Variants in THRB observed in about 807,000 individuals in gnomAD.
THRB encodes the protein nuclear receptor subfamily 1 group A member 2.
In THRB, 12 loss-of-function variants were observed where a neutral mutation model predicts 47.8. That is an observed-to-expected ratio of 0.25 (90% CI 0.16 to 0.41). The LOEUF is 0.41. THRB is among the 10% of genes least tolerant of loss of function. The pLI is 1.00. For missense variants in THRB, 348 were observed against 589.2 expected, an observed-to-expected ratio of 0.59 and a Z score of 4.24; for synonymous variants, 218 against 212.2, an observed-to-expected ratio of 1.03 and a Z score of -0.24.
intron 3 of THRB, among the ~76,000 whole-genome samples, chr3:24,248,419 G>A (rs1034646483): frequency 4.6e-5 from 7 of 151,704 alleles, no homozygotes; most frequent in Admixed American, 3.3e-4. Flanking sequence ...GTTTGGAATA[G>A]TACAATGAAT....
chr3:24,494,899 T>A (rs1698814243), upstream of THRB: 1 of 152,174 alleles, frequency 6.6e-6, no homozygotes, highest in Non-Finnish European at 1.5e-5. Context: ...CGCCCCCTCC[T>A]CCCGGCGGCG....
At chr3:24,208,715 C>T (rs1269560566) in intron 4 of THRB, among the ~76,000 whole-genome samples, 5 of 152,300 alleles carry the variant, frequency 3.3e-5, no homozygotes, top group South Asian at 4.1e-4. Context: ...GGATTAAAGA[C>T]GTAAATGTTA....
chr3:24,395,937 G>A (rs1042357451), intron 1 of THRB, among the ~76,000 whole-genome samples: 1 of 152,054 alleles, frequency 6.6e-6, no homozygotes, highest in Non-Finnish European at 1.5e-5. Flanking sequence ...TATCCAGAAT[G>A]GGCAACTGTA....
Position 24,390,784 on chromosome 3 carries a change from TAAA to T in THRB, c.-260-53416_-260-53414del, listed in dbSNP as rs33999392. On this transcript the variant is annotated intron_variant, in intron 1 of 10. Coordinates refer to ENST00000646209, the MANE Select transcript of THRB (RefSeq NM_001354712.2). ...CAGCTGCTTCCCAATCTTTACTTTGTAAAAAAAAAAAAAATATATATATATATA... is the reference window on the plus strand; with the variant it reads ...CAGCTGCTTCCCAATCTTTACTTTGTAAAAAAAAAAATATATATATATATA... 4.3e-5 allele frequency among the ~76,000 whole-genome samples: 6 copies of T among 138,222 alleles called. No individual in the cohort carries two copies. In the East Asian group the frequency reaches 6.2e-4, roughly 14 times the overall value. 90.7% of individuals were successfully genotyped at this position (138,222 alleles called of 152,430 possible). A position where few individuals can be genotyped will look rare whatever the true frequency, so the allele number is the denominator to read the frequency against.
At chr3:24,225,229 G>A (rs992130711) in intron 4 of THRB, among the ~76,000 whole-genome samples, 1 of 152,150 alleles carries the variant, frequency 6.6e-6, no homozygotes, top group African/African-American at 2.4e-5. Context: ...ACAGGAAACA[G>A]TACAAAGATC....
intron 4 of THRB, among the ~76,000 whole-genome samples, chr3:24,210,320 G>A (rs1263280064): frequency 2.0e-5 from 3 of 152,140 alleles, no homozygotes; most frequent in Admixed American, 6.5e-5. Context: ...TTCCCTTCAT[G>A]TGAAGATTAT....
chr3:24,354,223 G>A (rs1289576592), intron 1 of THRB, among the ~76,000 whole-genome samples: 1 of 152,082 alleles, frequency 6.6e-6, no homozygotes, highest in Non-Finnish European at 1.5e-5. Flanking sequence ...AGGGCCTTTT[G>A]GGTGGAGGAT....
rs138865141 is a variant in THRB at position 24,190,213 on chromosome 3, C to T, written c.144G>A (p.Thr48=). The T allele has an allele frequency of 4.6e-5, 75 of 1,613,996 alleles. No individual in the cohort carries two copies. The Admixed American group carries it at 1.0e-3, about 22-fold the overall frequency. The part of the protein sequence containing the change: ...HRKSHSERRS[T]LKNEQSSPHL... ...GTGGCGACGACTGTTCATTTTTCAA[C>T]GTGCTGCGCCTCTCTGAATGGCTCT... The change falls in exon 5 of 11, where the codon ACG becomes ACA. Residue 48 remains threonine (T), a synonymous_variant. Transcript: ENST00000646209.
chr3:24,469,904 T>C (rs2074430494), intron 1 of THRB, among the ~76,000 whole-genome samples: 1 of 152,224 alleles, frequency 6.6e-6, no homozygotes, highest in African/African-American at 2.4e-5. Context: ...TGGAACAATC[T>C]GATGAAGACT....
In THRB at chr3:24,147,176, A is replaced by G. The variant is rs560022244; in HGVS notation, c.385-354T>C. Among the ~76,000 whole-genome samples, 186 of 152,332 alleles carry G rather than the reference A, an allele frequency of 1.2e-3. 1 individual carries two copies. Among genetic ancestry groups the G allele is most frequent in the African/African-American group, 4.3e-3 (177 of 41,576 alleles). ...CATATACTGACATAATTGTGTTGCT[A>G]AATTAAGCTATGAGGAGTTTTGCTA... is the stretch of plus-strand genomic sequence containing the variant. On this transcript the variant is annotated intron_variant, in intron 6 of 10. Transcript: ENST00000646209.
At chr3:24,130,736 A>T (rs2033728301) in intron 9 of THRB, among the ~76,000 whole-genome samples, 1 of 152,164 alleles carries the variant, frequency 6.6e-6, no homozygotes, top group Admixed American at 6.5e-5. Context: ...CACATATCAA[A>T]AGCCTGTATA....
intron 1 of THRB, among the ~76,000 whole-genome samples, chr3:24,465,439 G>A (rs998681702): frequency 3.9e-5 from 6 of 152,084 alleles, no homozygotes; most frequent in Non-Finnish European, 7.4e-5. Context: ...GTCTCCCTCC[G>A]TTGCCTAGAT....
intron 1 of THRB, among the ~76,000 whole-genome samples, chr3:24,463,042 A>G (rs1186836796): frequency 6.6e-6 from 1 of 152,138 alleles, no homozygotes; most frequent in Non-Finnish European, 1.5e-5. Flanking sequence ...CACAGTATCT[A>G]TTTGGGCTCT....
intron 4 of THRB, among the ~76,000 whole-genome samples, chr3:24,228,298 C>T (rs826217): frequency 0.66 from 100,412 of 152,046 alleles, 33,471 homozygotes; most frequent in East Asian, 0.85. Flanking sequence ...GGTCATTCTG[C>T]CTCTCCTTTG....
At chr3:24,155,423 T>A (rs1018343809) in intron 5 of THRB, among the ~76,000 whole-genome samples, 8 of 152,234 alleles carry the variant, frequency 5.3e-5, no homozygotes, top group Non-Finnish European at 8.8e-5. Flanking sequence ...AACCATCTTA[T>A]TTATCCAAAA....
chr3:24,339,448 A>C (rs1268169091), intron 1 of THRB, among the ~76,000 whole-genome samples: 2 of 152,228 alleles, frequency 1.3e-5, no homozygotes, highest in African/African-American at 4.8e-5. Flanking sequence ...CAAACAGTGC[A>C]GAAGAGGCCA....
At chr3:24,242,053 C>T (rs2049578955) in intron 3 of THRB, among the ~76,000 whole-genome samples, 1 of 152,170 alleles carries the variant, frequency 6.6e-6, no homozygotes, top group Non-Finnish European at 1.5e-5. Context: ...AGCTGTACTG[C>T]CTGCTCACAA....
chr3:24,432,766 T>C (rs1035152088), intron 1 of THRB, among the ~76,000 whole-genome samples: 1 of 152,040 alleles, frequency 6.6e-6, no homozygotes, highest in Non-Finnish European at 1.5e-5. Context: ...TGCCAATGGA[T>C]AGAAATGTAC....
At position 24,118,973 on chromosome 3, in the gene THRB, G is replaced by GTTTTTTTTTTTTTTTTTTTTTTTT. The variant is rs559325556; in HGVS notation, c.*3887_*3910dup. On this transcript the variant is annotated 3_prime_UTR_variant, in exon 11 of 11. Coordinates refer to ENST00000646209, the MANE Select transcript of THRB (RefSeq NM_001354712.2). ...GCCAAACCTTTTTTCCCCCAGTCTG[G>GTTTTTTTTTTTTTTTTTTTTTTTT]TTTTTTTTTTTTTTTTTTTTTTTTT... 1 of 49,516 alleles carries GTTTTTTTTTTTTTTTTTTTTTTTT rather than the reference G, an allele frequency of 2.0e-5. No individual in the cohort carries two copies. The highest frequency in any genetic ancestry group is 2.8e-4 in the Admixed American group (1 of 3,622). The allele number at this position is 49,516 out of a possible 1,614,324, so 3.1% of individuals were successfully genotyped here. A position where few individuals can be genotyped will look rare whatever the true frequency, so the allele number is the denominator to read the frequency against.
Sources: allele counts gnomAD v4.1 joint callset (sites outside exome capture counted in the v4.1 genomes callset), GRCh38; gene constraint gnomAD v4.1.1; transcripts MANE v1.5; gene names NCBI Gene and HGNC (gene_info 2026-07-23, HGNC 2026-07-21).